The following R3HDM1 variants were observed in gnomAD, a reference collection of about 807,000 sequenced individuals.
R3HDM1 encodes R3H domain-containing protein 1.
In R3HDM1, 46 loss-of-function variants were observed where a neutral mutation model predicts 141.1. That is an observed-to-expected ratio of 0.33 (90% CI 0.26 to 0.42). The LOEUF is 0.42. R3HDM1 is among the 10% of genes least tolerant of loss of function. R3HDM1 has a pLI of 1.00. For synonymous variants in R3HDM1, 435 were observed against 472.9 expected (o/e 0.92, Z 1.04); for missense variants, 1,184 against 1,368.3 (o/e 0.87, Z 2.12).
At chr2:135,604,690 A>C (rs923069022) in intron 2 of R3HDM1, 116 bp from the exon 3 acceptor site, 6 of 752,480 alleles carry the variant, frequency 8.0e-6, no homozygotes, top group Non-Finnish European at 1.3e-5. Flanking sequence ...GAAATCAAGA[A>C]TTTTGTTCCT....
intron 1 of R3HDM1, chr2:135,597,103 A>T: frequency 1.0e-6 from 1 of 978,796 alleles, no homozygotes; most frequent in Admixed American, 6.1e-5. Flanking sequence ...AATTTGTTTC[A>T]TATAGTCTTA....
chr2:135,607,032 A>G (rs1294975118), intron 3 of R3HDM1, among the ~76,000 whole-genome samples: 1 of 151,760 alleles, frequency 6.6e-6, no homozygotes, highest in African/African-American at 2.4e-5. Flanking sequence ...CTCTGTCACC[A>G]GGCTGGAGTG....
chr2:135,661,453 A>G (rs1396433314), intron 19 of R3HDM1, 60 bp downstream of exon 19: 10 of 1,571,626 alleles, frequency 6.4e-6, no homozygotes, highest in African/African-American at 4.1e-5. Flanking sequence ...CTTCTATTTC[A>G]GTGTTGCTCT....
chr2:135,657,360 G>A (rs2105296333), intron 18 of R3HDM1, among the ~76,000 whole-genome samples: 1 of 150,104 alleles, frequency 6.7e-6, no homozygotes, highest in East Asian at 2.0e-4. Flanking sequence ...GCAGTAAGCT[G>A]AGATTGCGCC....
At chr2:135,614,912 G>A (rs1171929394) in intron 3 of R3HDM1, among the ~76,000 whole-genome samples, 3 of 151,868 alleles carry the variant, frequency 2.0e-5, no homozygotes, top group Non-Finnish European at 4.4e-5. Flanking sequence ...GTGAGTTACA[G>A]TTAATTAGAA....
intron 1 of R3HDM1, among the ~76,000 whole-genome samples, chr2:135,596,091 C>G (rs2059153835): frequency 6.6e-6 from 1 of 152,142 alleles, no homozygotes; most frequent in African/African-American, 2.4e-5. Flanking sequence ...CTCCGCCTCC[C>G]AGGCTCCAGC....
At chr2:135,656,347 T>G (rs2065890547) in intron 18 of R3HDM1, 1 of 152,116 alleles carries the variant, frequency 6.6e-6, no homozygotes, top group Non-Finnish European at 1.5e-5. Context: ...CCCTTTAAAT[T>G]TAATATATTT....
At chr2:135,615,679 A>G (rs988756009) in intron 3 of R3HDM1, among the ~76,000 whole-genome samples, 1 of 152,302 alleles carries the variant, frequency 6.6e-6, no homozygotes, top group South Asian at 2.1e-4. Flanking sequence ...GAAACACCTC[A>G]GTAGATTTGT....
At chr2:135,540,954 A>G (rs557350310) in intron 1 of R3HDM1, among the ~76,000 whole-genome samples, 6 of 152,350 alleles carry the variant, frequency 3.9e-5, no homozygotes, top group Admixed American at 1.3e-4. Flanking sequence ...CTCTTGGGTG[A>G]CAAGGTAAAT....
At position 135,710,092 on chromosome 2, in the gene R3HDM1, T is replaced by C. The variant is rs544498873; in HGVS notation, c.2597T>C (p.Val866Ala). 5.0e-5 allele frequency: 80 copies of C among 1,613,968 alleles called. No individual in the cohort carries two copies. The South Asian group carries it at 8.6e-4, about 17-fold the overall frequency. The change falls in exon 23 of 27, where the codon GTG (valine) becomes GCG (alanine). Residue 866 changes from valine to alanine, a missense_variant. Coordinates refer to ENST00000683871, the MANE Select transcript of R3HDM1 (RefSeq NM_001378107.1). ...GPPPPPGGGM[V>A]MMQLSVPNNP... Reference sequence around the variant, plus strand: ...CCACCGCCACCTGGTGGGGGGATGGTGATGATGCAGCTCAGTGTACCAAAC... The same window carrying C: ...CCACCGCCACCTGGTGGGGGGATGGCGATGATGCAGCTCAGTGTACCAAAC...
chr2:135,670,507 A>G, intron 19 of R3HDM1: 3 of 699,388 alleles, frequency 4.3e-6, no homozygotes, highest in African/African-American at 1.9e-5. Flanking sequence ...ATGTGGAAGC[A>G]TTATATGAAA....
intron 26 of R3HDM1, among the ~76,000 whole-genome samples, chr2:135,723,247 G>A (rs1331788063): frequency 6.6e-6 from 1 of 151,554 alleles, no homozygotes; most frequent in African/African-American, 2.4e-5. Context: ...TCAGCCTCCC[G>A]AGTAGCTGGG....
intron 3 of R3HDM1, among the ~76,000 whole-genome samples, chr2:135,608,219 G>A (rs1035127838): frequency 6.6e-6 from 1 of 152,052 alleles, no homozygotes; most frequent in African/African-American, 2.4e-5. Context: ...GGGAGGCTGA[G>A]ACAGGAGAAT....
At chr2:135,616,832 TTGTTA>T in intron 5 of R3HDM1, 75 bp downstream of exon 5, 1 of 1,249,522 alleles carries the variant, frequency 8.0e-7, no homozygotes, top group Non-Finnish European at 1.1e-6. Flanking sequence ...TAAGTTGTGT[TTGTTA>T]TATTTGTTTT....
chr2:135,567,807 A>G (rs766415916), intron 1 of R3HDM1, among the ~76,000 whole-genome samples: 1 of 150,396 alleles, frequency 6.6e-6, no homozygotes, highest in Non-Finnish European at 1.5e-5. Flanking sequence ...AGGCACAGTC[A>G]TAGCTCACTG....
chr2:135,622,079 C>T, intron 6 of R3HDM1: 1 of 983,848 alleles, frequency 1.0e-6, no homozygotes, highest in Non-Finnish European at 1.2e-6. Flanking sequence ...TTTAAAAACC[C>T]AGTTATGTTG....
At chr2:135,716,259 C>T (rs2076144464) in intron 24 of R3HDM1, among the ~76,000 whole-genome samples, 1 of 152,192 alleles carries the variant, frequency 6.6e-6, no homozygotes, top group African/African-American at 2.4e-5. Flanking sequence ...CTGATTATGC[C>T]ACTGCATTCC....
intron 1 of R3HDM1, among the ~76,000 whole-genome samples, chr2:135,590,947 G>A (rs1709125840): frequency 2.0e-5 from 3 of 152,164 alleles, no homozygotes; most frequent in Admixed American, 2.0e-4. Flanking sequence ...TTGAGAGAGG[G>A]CTGTGATCCT....
intron 19 of R3HDM1, among the ~76,000 whole-genome samples, chr2:135,674,285 A>G (rs901346955): frequency 1.3e-5 from 2 of 152,240 alleles, no homozygotes; most frequent in East Asian, 3.8e-4. Flanking sequence ...GAGGATATAA[A>G]TGAAAACTGA....
Sources: gnomAD v4.1 joint callset for allele counts (sites outside exome capture counted in the v4.1 genomes callset) on GRCh38, gnomAD v4.1.1 for gene constraint, MANE v1.5 for transcripts, NCBI Gene and HGNC (gene_info 2026-07-23, HGNC 2026-07-21) for gene names.